SLC4A4: variants seen among roughly 807,000 people sequenced by gnomAD.
The protein encoded by SLC4A4 is solute carrier family 4 member 4.
A neutral mutation model predicts 111.5 loss-of-function variants in SLC4A4; 27 were observed. The ratio of observed to expected loss-of-function variants is 0.24; its 90% confidence interval spans 0.18 to 0.33. SLC4A4 has a LOEUF of 0.33. Ranked by LOEUF, SLC4A4 falls within the 10% of genes least tolerant of loss-of-function variation. The pLI is 1.00. For synonymous variants in SLC4A4, 443 were observed against 463.4 expected, an observed-to-expected ratio of 0.96 and a Z score of 0.57; for missense variants, 909 against 1,315.5, an observed-to-expected ratio of 0.69 and a Z score of 4.78.
chr4:71,212,803 A>G (rs1024641876), intron 1 of SLC4A4, among the ~76,000 whole-genome samples: 1 of 152,214 alleles, frequency 6.6e-6, no homozygotes, highest in African/African-American at 2.4e-5. Flanking sequence ...CCATGAGGCT[A>G]AAGCTCCTCT....
At chr4:71,103,528 T>A (rs1346487664) in intron 2 of SLC4A4, among the ~76,000 whole-genome samples, 1 of 151,696 alleles carries the variant, frequency 6.6e-6, no homozygotes, top group Non-Finnish European at 1.5e-5. Context: ...GAAGTAAAGC[T>A]CTCCTCAGCA....
At chr4:71,500,651 G>T (rs1306695174) in intron 16 of SLC4A4, among the ~76,000 whole-genome samples, 1 of 152,128 alleles carries the variant, frequency 6.6e-6, no homozygotes, top group African/African-American at 2.4e-5. Context: ...ATTGTATATG[G>T]TATGAGATGA....
chr4:71,095,945 A>G (rs138519787), intron 2 of SLC4A4, among the ~76,000 whole-genome samples: 2 of 152,198 alleles, frequency 1.3e-5, no homozygotes, highest in Admixed American at 1.3e-4. Context: ...GACAGCATGT[A>G]TGAAAGTGAG....
At chr4:71,233,227 C>A (rs1719566229) in intron 1 of SLC4A4, 1 of 955,628 alleles carries the variant, frequency 1.0e-6, no homozygotes, top group African/African-American at 1.8e-5. Flanking sequence ...GTAGTAGCAT[C>A]CAGTAAATAT....
chr4:71,289,665 T>G (rs1400844099), intron 3 of SLC4A4, among the ~76,000 whole-genome samples: 1 of 152,130 alleles, frequency 6.6e-6, no homozygotes, highest in Non-Finnish European at 1.5e-5. Flanking sequence ...AGGATCTGAA[T>G]TTTGAATTGG....
intron 1 of SLC4A4, among the ~76,000 whole-genome samples, chr4:71,197,855 C>CT (rs1746077696): frequency 6.6e-6 from 1 of 150,574 alleles, no homozygotes; most frequent in Non-Finnish European, 1.5e-5. Flanking sequence ...TACTAACTCT[C>CT]TATTTTGGGG....
At chr4:71,223,652 A>G (rs1168396472) in intron 1 of SLC4A4, among the ~76,000 whole-genome samples, 1 of 152,118 alleles carries the variant, frequency 6.6e-6, no homozygotes, top group Non-Finnish European at 1.5e-5. Flanking sequence ...TAGATTGAGT[A>G]TCTGGCACAA....
chr4:71,521,323 C>T (rs1317749349), intron 16 of SLC4A4, among the ~76,000 whole-genome samples: 1 of 152,088 alleles, frequency 6.6e-6, no homozygotes, highest in African/African-American at 2.4e-5. Context: ...CCTCAACCAC[C>T]TGGGATCAAG....
At chr4:71,420,487 G>A (rs1211046838) in intron 7 of SLC4A4, among the ~76,000 whole-genome samples, 5 of 151,928 alleles carry the variant, frequency 3.3e-5, no homozygotes, top group Non-Finnish European at 7.4e-5. Context: ...TACAGAGAAC[G>A]CCACAAAGAT....
chr4:71,353,381 A>G (rs1730015626), intron 5 of SLC4A4, among the ~76,000 whole-genome samples: 1 of 152,212 alleles, frequency 6.6e-6, no homozygotes, highest in African/African-American at 2.4e-5. Context: ...TCAGGGACAA[A>G]TAACACATCA....
At chr4:71,267,464 G>A (rs1722353671) in intron 3 of SLC4A4, among the ~76,000 whole-genome samples, 1 of 152,150 alleles carries the variant, frequency 6.6e-6, no homozygotes, top group African/African-American at 2.4e-5. Flanking sequence ...ATCTAAGGCA[G>A]GCCATCAACA....
intron 2 of SLC4A4, among the ~76,000 whole-genome samples, chr4:71,137,285 T>C (rs4413378): frequency 0.015 from 2,275 of 152,234 alleles, 65 homozygotes; most frequent in African/African-American, 0.052. Context: ...CATATTTCCT[T>C]TTGTCCCCAC....
At chr4:71,097,157 G>T (rs1300617133) in intron 2 of SLC4A4, among the ~76,000 whole-genome samples, 1 of 152,034 alleles carries the variant, frequency 6.6e-6, no homozygotes, top group Non-Finnish European at 1.5e-5. Flanking sequence ...TACTTTTTGT[G>T]TTCCTCTCCC....
At chr4:71,435,332 G>T (rs913078453) in intron 7 of SLC4A4, among the ~76,000 whole-genome samples, 3 of 152,180 alleles carry the variant, frequency 2.0e-5, no homozygotes, top group Admixed American at 2.0e-4. Context: ...TTAATAAATG[G>T]TGTTGGGAAA....
At chr4:71,525,725 A>C (rs1432141069) in intron 16 of SLC4A4, among the ~76,000 whole-genome samples, 1 of 152,128 alleles carries the variant, frequency 6.6e-6, no homozygotes, top group Non-Finnish European at 1.5e-5. Context: ...AAACCTTGGC[A>C]CTTCTACTTT....
chr4:71,521,659 A>G (rs1364420880), intron 16 of SLC4A4, among the ~76,000 whole-genome samples: 1 of 152,184 alleles, frequency 6.6e-6, no homozygotes, highest in African/African-American at 2.4e-5. Flanking sequence ...AGGTTAGAGT[A>G]TATGGAAACC....
chr4:71,457,171 T>C (rs138036020), intron 12 of SLC4A4, among the ~76,000 whole-genome samples: 182 of 152,246 alleles, frequency 1.2e-3, no homozygotes, highest in African/African-American at 4.2e-3. Context: ...TTTGAAGCAT[T>C]TATGTTAGAG....
intron 3 of SLC4A4, among the ~76,000 whole-genome samples, chr4:71,325,430 G>A (rs757315487): frequency 2.6e-5 from 4 of 151,970 alleles, no homozygotes; most frequent in Non-Finnish European, 5.9e-5. Flanking sequence ...TAATTGTCAA[G>A]TATGATTGAA....
intron 7 of SLC4A4, among the ~76,000 whole-genome samples, chr4:71,422,329 A>G (rs1337415093): frequency 6.8e-6 from 1 of 147,060 alleles, no homozygotes; most frequent in Admixed American, 6.8e-5. Flanking sequence ...AGGATCTGAA[A>G]TTGTGGCAAT....
Sources: gnomAD v4.1 joint callset for allele counts (sites outside exome capture counted in the v4.1 genomes callset) on GRCh38, gnomAD v4.1.1 for gene constraint, MANE v1.5 for transcripts, NCBI Gene and HGNC (gene_info 2026-07-23, HGNC 2026-07-21) for gene names.